The following ZNF331 variants were observed in gnomAD, a reference collection of about 807,000 sequenced individuals.
ZNF331 encodes zinc finger protein 331.
Under a neutral mutation model 7.0 loss-of-function variants are expected in ZNF331, and 2 were observed. The ratio of observed to expected loss-of-function variants is 0.29; its 90% CI spans 0.12 to 0.90. The LOEUF is 0.90. ZNF331 is among the 40% of genes least tolerant of loss of function. The pLI, the probability that ZNF331 is intolerant of heterozygous loss-of-function variation, is 0.58. For synonymous variants in ZNF331, 196 were observed against 205.4 expected (o/e 0.95, Z 0.39); for missense variants, 432 against 587.7 (o/e 0.74, Z 2.74).
At chr19:53,557,081 C>A (rs1251585977) in intron 3 of ZNF331, among the ~76,000 whole-genome samples, 4 of 148,184 alleles carry the variant, frequency 2.7e-5, no homozygotes, top group African/African-American at 1.0e-4. Flanking sequence ...CCTCGGCCTC[C>A]CAAAGTGCTG....
chr19:53,548,269 G>A (rs534749368), intron 2 of ZNF331, among the ~76,000 whole-genome samples: 5 of 151,952 alleles, frequency 3.3e-5, no homozygotes, highest in Non-Finnish European at 5.9e-5. Context: ...CACCACGCCC[G>A]GCTAATTTTT....
chr19:53,560,766 A>G lies in ZNF331; in HGVS notation c.-74+4858A>G, dbSNP rs540400828. On this transcript the variant is annotated intron_variant, in intron 3 of 5. Coordinates refer to ENST00000449416, the MANE Select transcript of ZNF331 (RefSeq NM_001079906.2). This position sits in a 1 kb window ranked among gnomAD's most constrained non-coding sequence, Gnocchi z 4.3. Reference sequence around the variant, plus strand: ...TGAAAAGACAAGTCCTTTTTCCGTCACACCACTCTGACCCTCCTCCTCTAA... The same window carrying G: ...TGAAAAGACAAGTCCTTTTTCCGTCGCACCACTCTGACCCTCCTCCTCTAA... Among the ~76,000 whole-genome samples, 5 of 152,248 alleles carry G rather than the reference A, an allele frequency of 3.3e-5. No homozygotes were observed. In the Middle Eastern group the frequency reaches 0.014, roughly 417 times the overall value.
chr19:53,561,726 G>A (rs2089897638), intron 3 of ZNF331, among the ~76,000 whole-genome samples: 1 of 152,272 alleles, frequency 6.6e-6, no homozygotes, highest in African/African-American at 2.4e-5. Flanking sequence ...GGTGGTGTGT[G>A]CCTATGGTCC....
At position 53,578,220 on chromosome 19, in the gene ZNF331, G is replaced by A; in HGVS notation, c.*268G>A. ...TGCTAGTGACTTAGTAGCCGTCTTG[G>A]TGATCAGATCAACTATCCCAGCATC... On this transcript the variant is annotated 3_prime_UTR_variant, in exon 6 of 6. Transcript: ENST00000449416. 1 of 424,558 alleles carries A rather than the reference G, an allele frequency of 2.4e-6. No individual in the cohort carries two copies. Among genetic ancestry groups the A allele is most frequent in the Non-Finnish European group, 4.3e-6 (1 of 232,592 alleles). The allele number at this position is 424,558 out of a possible 1,614,324, so 26.3% of individuals were successfully genotyped here. A position where few individuals can be genotyped will look rare whatever the true frequency, so the allele number is the denominator to read the frequency against.
In ZNF331 at chr19:53,555,901, TAGGTC is replaced by T; in HGVS notation, c.-76_-74+2del. On this transcript the variant is annotated splice_region_variant and 5_prime_UTR_variant, in exon 3 of 6. Coordinates refer to ENST00000449416, the MANE Select transcript of ZNF331 (RefSeq NM_001079906.2). ...GAGGAAGACGAATCGTTAAACATCTTAGGTCAGGTGAGTATCTTTTTTTTTTTTTT... is the reference window on the plus strand; with the variant it reads ...GAGGAAGACGAATCGTTAAACATCTTAGGTGAGTATCTTTTTTTTTTTTTT... The T allele has an allele frequency of 6.7e-6, 1 of 149,166 alleles. No homozygotes were observed. Among genetic ancestry groups the T allele is most frequent in the Middle Eastern group, 3.5e-3 (1 of 286 alleles). The allele number at this position is 149,166 out of a possible 1,614,324, so 9.2% of individuals were successfully genotyped here. A position where few individuals can be genotyped will look rare whatever the true frequency, so the allele number is the denominator to read the frequency against.
the ZNF331 span, among the ~76,000 whole-genome samples, chr19:53,513,772 G>A: frequency 6.6e-6 from 1 of 152,076 alleles, no homozygotes; most frequent in African/African-American, 2.4e-5. Context: ...CGCCACACCT[G>A]GCTAATTTTT....
chr19:53,503,463 C>A, the ZNF331 span: 1,159 of 638,478 alleles, frequency 1.8e-3, 1 homozygote, highest in Non-Finnish European at 2.7e-3. Flanking sequence ...GGGGATTTCT[C>A]TCTTATTTAC....
intron 3 of ZNF331, among the ~76,000 whole-genome samples, chr19:53,559,847 C>T (rs1462317867): frequency 2.0e-5 from 3 of 151,214 alleles, no homozygotes; most frequent in African/African-American, 7.3e-5. Context: ...TATACATATA[C>T]ACATATACAT....
At chr19:53,518,993 A>G (rs1297040144), upstream of ZNF331, among the ~76,000 whole-genome samples, 1 of 152,198 alleles carries the variant, frequency 6.6e-6, no homozygotes, top group Admixed American at 6.6e-5. Flanking sequence ...AGTCTTTATT[A>G]TTTATTTATT....
chr19:53,549,385 G>C (rs1393541215), intron 2 of ZNF331, among the ~76,000 whole-genome samples: 1 of 152,164 alleles, frequency 6.6e-6, no homozygotes, highest in Non-Finnish European at 1.5e-5. Context: ...ACGGTTTACT[G>C]TAAGGCTGCA....
At chr19:53,516,345 G>C (rs1290396929), upstream of ZNF331, among the ~76,000 whole-genome samples, 1 of 151,800 alleles carries the variant, frequency 6.6e-6, no homozygotes, top group Admixed American at 6.6e-5. Flanking sequence ...AGCTACTCAG[G>C]AGGCTGAGGC....
At position 53,578,633 on chromosome 19, in the gene ZNF331, TG is replaced by T. The variant is rs368779097; in HGVS notation, c.*683del. 1.8e-4 allele frequency: 37 copies of T among 205,278 alleles called. No individual in the cohort carries two copies. Among genetic ancestry groups the T allele is most frequent in the Middle Eastern group, 1.6e-3 (1 of 618 alleles). The allele number at this position is 205,278 out of a possible 1,614,324, so 12.7% of individuals were successfully genotyped here. Reference sequence around the variant, plus strand: ...GTACAGGAAAAAAACGTACTATCTGTGGTTTCAGGTGTCCACTGCGGGTCTT... The same window carrying T: ...GTACAGGAAAAAAACGTACTATCTGTGTTTCAGGTGTCCACTGCGGGTCTT... On this transcript the variant is annotated 3_prime_UTR_variant, in exon 6 of 6. Coordinates refer to ENST00000449416, the MANE Select transcript of ZNF331 (RefSeq NM_001079906.2).
intron 2 of ZNF331, among the ~76,000 whole-genome samples, chr19:53,545,946 C>T: frequency 6.6e-6 from 1 of 151,968 alleles, no homozygotes; most frequent in East Asian, 1.9e-4. Context: ...CCAGTAAATA[C>T]ACGTTAGTCC....
At chr19:53,569,892 ATT>A (rs1568536029) in intron 4 of ZNF331, among the ~76,000 whole-genome samples, 2 of 152,092 alleles carry the variant, frequency 1.3e-5, no homozygotes, top group East Asian at 3.9e-4. Context: ...TGGAGGATAA[ATT>A]TTATTATTGA....
At chr19:53,563,651 A>G (rs1156293724) in intron 3 of ZNF331, 2 of 152,126 alleles carry the variant, frequency 1.3e-5, no homozygotes, top group East Asian at 3.8e-4. Context: ...GTTGATCTTC[A>G]ATAATAACAG....
At chr19:53,551,080 C>G (rs376833978) in intron 2 of ZNF331, among the ~76,000 whole-genome samples, 1 of 152,046 alleles carries the variant, frequency 6.6e-6, no homozygotes, top group Non-Finnish European at 1.5e-5. Context: ...ATCCACCCAC[C>G]TTGGCCTCCC....
chr19:53,550,680 G>T (rs1346773272), intron 2 of ZNF331, among the ~76,000 whole-genome samples: 1 of 150,454 alleles, frequency 6.6e-6, no homozygotes, highest in African/African-American at 2.4e-5. Context: ...GGGATTACAG[G>T]CTCCTGCCAC....
upstream of ZNF331, among the ~76,000 whole-genome samples, chr19:53,514,676 AGT>A (rs2086857573): frequency 3.1e-5 from 2 of 64,314 alleles, no homozygotes; most frequent in Non-Finnish European, 3.3e-5. Flanking sequence ...TTTGAGACAG[AGT>A]TTCACACTGT....
intron 3 of ZNF331, among the ~76,000 whole-genome samples, chr19:53,556,931 G>T (rs1438578167): frequency 6.9e-6 from 1 of 145,906 alleles, no homozygotes; most frequent in Non-Finnish European, 1.5e-5. Context: ...TCAGCCTTCT[G>T]AGTAGCTGGG....
Sources: allele counts gnomAD v4.1 joint callset (sites outside exome capture counted in the v4.1 genomes callset), GRCh38; gene constraint gnomAD v4.1.1; non-coding constraint Gnocchi (gnomAD v3.1); transcripts MANE v1.5; gene names NCBI Gene and HGNC (gene_info 2026-07-23, HGNC 2026-07-21).